TMC1: variants seen among roughly 807,000 people sequenced by gnomAD.
The protein encoded by TMC1 is transmembrane channel like 1.
In TMC1, 84 loss-of-function variants were observed where a neutral mutation model predicts 105.8. That is an observed-to-expected ratio of 0.79 (90% CI 0.67 to 0.95). The LOEUF is 0.95. Among genes scored for constraint, TMC1 ranks in the 40% least tolerant of loss-of-function variants. The probability of loss-of-function intolerance (pLI) is 0.00; values close to 1 mark genes in which losing one functional copy is unlikely to be tolerated. For missense variants in TMC1, 817 were observed against 914.1 expected, an observed-to-expected ratio of 0.89 and a Z score of 1.37; for synonymous variants, 315 against 311.5, an observed-to-expected ratio of 1.01 and a Z score of -0.12.
At chr9:72,530,593 A>G (rs2132057112) in intron 1 of TMC1, among the ~76,000 whole-genome samples, 1 of 151,756 alleles carries the variant, frequency 6.6e-6, no homozygotes, top group South Asian at 2.1e-4. Flanking sequence ...CATCTTAAAA[A>G]AAAAAAAACC....
At chr9:72,772,288 T>C in intron 12 of TMC1, 125 bp from the exon 13 acceptor site, 1 of 1,163,274 alleles carries the variant, frequency 8.6e-7, no homozygotes, top group Non-Finnish European at 1.3e-6. Flanking sequence ...ACAATAGGGC[T>C]CATGTCAGAG....
At chr9:72,672,313 G>GT (rs746259518) in intron 5 of TMC1, among the ~76,000 whole-genome samples, 3 of 150,852 alleles carry the variant, frequency 2.0e-5, no homozygotes, top group African/African-American at 2.4e-5. Context: ...TACAGACTTT[G>GT]TTTTTTTAAT....
intron 5 of TMC1, among the ~76,000 whole-genome samples, chr9:72,670,948 C>T (rs915137081): frequency 6.6e-6 from 1 of 152,116 alleles, no homozygotes; most frequent in African/African-American, 2.4e-5. Flanking sequence ...CCACTGTAAC[C>T]TCTTAGGGAA....
At chr9:72,765,339 GC>G (rs1827812653) in intron 12 of TMC1, among the ~76,000 whole-genome samples, 1 of 152,044 alleles carries the variant, frequency 6.6e-6, no homozygotes, top group African/African-American at 2.4e-5. Flanking sequence ...GAAGCTCCGT[GC>G]CTCTGAAGGA....
rs80007847 is a variant in TMC1, at chr9:72,570,665, T to G, written c.-427-7237T>G. On this transcript the variant is annotated intron_variant, in intron 1 of 23. Coordinates refer to ENST00000297784, the MANE Select transcript of TMC1 (RefSeq NM_138691.3). ...GTAGATTTAAGAGAAATCTACACTTTGCCAAATTTCCTTTTTTTTTTTTTT... is the reference window on the plus strand; with the variant it reads ...GTAGATTTAAGAGAAATCTACACTTGGCCAAATTTCCTTTTTTTTTTTTTT... Among the ~76,000 whole-genome samples the G allele has an allele frequency of 5.0e-3, 738 of 147,066 alleles. 7 individuals are homozygous for G. Among genetic ancestry groups the G allele is most frequent in the African/African-American group, 0.017 (673 of 40,108 alleles).
chr9:72,728,697 G>A (rs1827161294), intron 8 of TMC1, among the ~76,000 whole-genome samples: 2 of 152,058 alleles, frequency 1.3e-5, no homozygotes, highest in African/African-American at 2.4e-5. Context: ...AACACAGTTT[G>A]TGCTGTGACC....
intron 5 of TMC1, among the ~76,000 whole-genome samples, chr9:72,653,434 A>T (rs1468451022): frequency 6.6e-6 from 1 of 152,196 alleles, no homozygotes; most frequent in Non-Finnish European, 1.5e-5. Context: ...AGGTGAATAG[A>T]CACACAAAAA....
chr9:72,540,304 T>C (rs1401779744), intron 1 of TMC1, among the ~76,000 whole-genome samples: 2 of 152,228 alleles, frequency 1.3e-5, no homozygotes, highest in Admixed American at 1.3e-4. Context: ...GAGTTCTTGG[T>C]GTACTCTAAG....
chr9:72,635,860 G>A (rs1429931092), intron 4 of TMC1, among the ~76,000 whole-genome samples: 1 of 152,138 alleles, frequency 6.6e-6, no homozygotes, highest in Non-Finnish European at 1.5e-5. Flanking sequence ...TGCTTGCCCT[G>A]AAACACTTGT....
At chr9:72,791,537 T>C (rs1828266955) in intron 15 of TMC1, among the ~76,000 whole-genome samples, 2 of 152,182 alleles carry the variant, frequency 1.3e-5, no homozygotes, top group Admixed American at 1.3e-4. Context: ...CCATTTCTTT[T>C]GGAAATCTTG....
chr9:72,646,567 A>G (rs1239190372), intron 4 of TMC1, among the ~76,000 whole-genome samples: 1 of 151,538 alleles, frequency 6.6e-6, no homozygotes, highest in East Asian at 1.9e-4. Context: ...TTCTTTTATG[A>G]TATTACTGTT....
At chr9:72,763,720 G>A (rs1827789845) in intron 12 of TMC1, among the ~76,000 whole-genome samples, 1 of 152,120 alleles carries the variant, frequency 6.6e-6, no homozygotes, top group South Asian at 2.1e-4. Context: ...AGAACACAAG[G>A]CATTGGAGAG....
rs1360025087 is a variant in TMC1 at position 72,837,427 on chromosome 9, G to A, written c.*1454G>A. 3 of 152,162 alleles carry A rather than the reference G, an allele frequency of 2.0e-5. No individual in the cohort carries two copies. In the East Asian group the frequency reaches 5.8e-4, roughly 29 times the overall value. 9.4% of individuals were successfully genotyped at this position (152,162 alleles called of 1,614,324 possible). ...ACATTCCTGTGGGATGGGTGGTGGGGGGCCTCTCTTGCCCTGCTTATGTTT... is the reference window on the plus strand; with the variant it reads ...ACATTCCTGTGGGATGGGTGGTGGGAGGCCTCTCTTGCCCTGCTTATGTTT... On this transcript the variant is annotated 3_prime_UTR_variant, in exon 24 of 24. Coordinates refer to ENST00000297784, the MANE Select transcript of TMC1 (RefSeq NM_138691.3).
chr9:72,651,011 C>T (rs1825805730), intron 5 of TMC1, among the ~76,000 whole-genome samples: 2 of 143,268 alleles, frequency 1.4e-5, no homozygotes, highest in African/African-American at 2.6e-5. Flanking sequence ...CCACATAAGA[C>T]ATAATCTCGT....
intron 9 of TMC1, 67 bp from the exon 10 acceptor site, chr9:72,742,377 G>A: frequency 1.6e-6 from 2 of 1,233,978 alleles, no homozygotes; most frequent in Non-Finnish European, 2.4e-6. Context: ...ATGTTTTGAG[G>A]TGGGGGATAA....
chr9:72,635,990 T>C (rs939453526), intron 4 of TMC1, among the ~76,000 whole-genome samples: 1 of 152,174 alleles, frequency 6.6e-6, no homozygotes, highest in Non-Finnish European at 1.5e-5. Context: ...AAATTACCTG[T>C]GTCAGAAGGG....
chr9:72,616,501 T>G (rs999716048), intron 3 of TMC1, 24 bp downstream of exon 3: 1 of 151,770 alleles, frequency 6.6e-6, no homozygotes, highest in Admixed American at 6.6e-5. Flanking sequence ...GAAACACACA[T>G]TACATACATA....
At chr9:72,644,359 T>C (rs1825675852) in intron 4 of TMC1, among the ~76,000 whole-genome samples, 1 of 152,132 alleles carries the variant, frequency 6.6e-6, no homozygotes, top group African/African-American at 2.4e-5. Context: ...CATAGCCTTA[T>C]GTGTTTTCTT....
chr9:72,789,453 G>A (rs1331148096), intron 15 of TMC1, 136 bp downstream of exon 15: 1 of 759,146 alleles, frequency 1.3e-6, no homozygotes, highest in African/African-American at 1.7e-5. Context: ...AACCAACCCT[G>A]TTGCTCATTT....
Sources: gnomAD v4.1 joint callset for allele counts (sites outside exome capture counted in the v4.1 genomes callset) on GRCh38, gnomAD v4.1.1 for gene constraint, MANE v1.5 for transcripts, NCBI Gene and HGNC (gene_info 2026-07-23, HGNC 2026-07-21) for gene names.